The following TMEM260 variants were observed in gnomAD, a reference collection of about 807,000 sequenced individuals.
The protein encoded by TMEM260 is protein O-mannosyl-transferase TMEM260.
A neutral mutation model predicts 88.9 loss-of-function variants in TMEM260; 82 were observed. The observed-to-expected ratio is 0.92, with a 90% confidence interval of 0.77 to 1.11. The LOEUF (loss-of-function observed/expected upper bound fraction) is 1.11, where lower values mean the gene tolerates loss of function less well. Ranked by LOEUF, TMEM260 falls within the 50% of genes least tolerant of loss-of-function variation. The pLI is 0.00. For synonymous variants in TMEM260, 314 were observed against 309.3 expected, an observed-to-expected ratio of 1.02 and a Z score of -0.16; for missense variants, 902 against 853.4, an observed-to-expected ratio of 1.06 and a Z score of -0.71.
chr14:56,638,827 A>C (rs1889335224), intron 15 of TMEM260, among the ~76,000 whole-genome samples: 1 of 152,212 alleles, frequency 6.6e-6, no homozygotes, highest in Non-Finnish European at 1.5e-5. Context: ...TATAGGAATA[A>C]ATTGGATAAT....
intron 6 of TMEM260, among the ~76,000 whole-genome samples, chr14:56,611,917 C>T (rs540870093): frequency 5.3e-5 from 8 of 152,114 alleles, no homozygotes; most frequent in African/African-American, 1.9e-4. Context: ...AAACCAAATA[C>T]CACATGTTCT....
intron 5 of TMEM260, among the ~76,000 whole-genome samples, chr14:56,606,684 G>C (rs2139560605): frequency 6.6e-6 from 1 of 152,284 alleles, no homozygotes; most frequent in South Asian, 2.1e-4. Context: ...CTGAGCTCAG[G>C]AGTTCGAGAC....
chr14:56,657,112 C>G, the TMEM260 span, among the ~76,000 whole-genome samples: 1 of 152,124 alleles, frequency 6.6e-6, no homozygotes, highest in Admixed American at 6.5e-5. Flanking sequence ...TCTCAGAGAA[C>G]AGTCTCCTAC....
At chr14:56,590,518 A>G (rs891004187) in intron 3 of TMEM260, among the ~76,000 whole-genome samples, 7 of 152,226 alleles carry the variant, frequency 4.6e-5, no homozygotes, top group Admixed American at 4.6e-4. Flanking sequence ...GAAGAGCTCA[A>G]TCTCCAATTG....
chr14:56,629,174 G>C (rs1888421445), intron 12 of TMEM260, among the ~76,000 whole-genome samples: 1 of 151,854 alleles, frequency 6.6e-6, no homozygotes, highest in African/African-American at 2.4e-5. Flanking sequence ...AGGATTACAG[G>C]CGTGAGCCAC....
downstream of TMEM260, among the ~76,000 whole-genome samples, chr14:56,655,428 G>T (rs187081682): frequency 3.0e-4 from 46 of 151,746 alleles, no homozygotes; most frequent in African/African-American, 1.1e-3. Flanking sequence ...CATCTTCGGA[G>T]GCAAATAAGT....
chr14:56,656,431 T>A, the TMEM260 span, among the ~76,000 whole-genome samples: 1 of 152,010 alleles, frequency 6.6e-6, no homozygotes, highest in Non-Finnish European at 1.5e-5. Context: ...AATAAATAAA[T>A]AAATAAATAA....
chr14:56,639,621 A>ATC (rs1889411697), intron 15 of TMEM260, among the ~76,000 whole-genome samples: 1 of 152,216 alleles, frequency 6.6e-6, no homozygotes, highest in South Asian at 2.1e-4. Context: ...TACCGGGTTC[A>ATC]TCTCACTGGG....
chr14:56,633,425 A>C, intron 13 of TMEM260: 1 of 303,072 alleles, frequency 3.3e-6, no homozygotes, highest in Admixed American at 4.7e-5. Context: ...GATGCATGGC[A>C]CCTTCTACTT....
chr14:56,628,315 C>G (rs868321827), intron 12 of TMEM260, among the ~76,000 whole-genome samples: 2 of 152,134 alleles, frequency 1.3e-5, no homozygotes, highest in African/African-American at 4.8e-5. Flanking sequence ...ATTCTAGGTA[C>G]GCAACCTCTG....
intron 12 of TMEM260, among the ~76,000 whole-genome samples, chr14:56,629,350 A>G (rs966926670): frequency 6.6e-6 from 1 of 151,060 alleles, no homozygotes; most frequent in Non-Finnish European, 1.5e-5. Flanking sequence ...CTTAGGAGTA[A>G]TAATTTACCA....
chr14:56,634,342 A>G (rs374259969), intron 13 of TMEM260, among the ~76,000 whole-genome samples: 30 of 152,296 alleles, frequency 2.0e-4, no homozygotes, highest in South Asian at 6.2e-4. Flanking sequence ...GAGACTTTCA[A>G]TGTCTTCCTG....
chr14:56,621,629 T>C lies in TMEM260; in HGVS notation c.1325T>C (p.Leu442Ser). 1 of 1,613,620 alleles carries C rather than the reference T, an allele frequency of 6.2e-7. No homozygotes were observed. Among genetic ancestry groups the C allele is most frequent in the Non-Finnish European group, 8.5e-7 (1 of 1,179,780 alleles). The change falls in exon 11 of 16, where the codon TTG becomes TCG. Residue 442 changes from leucine to serine, a missense_variant. Leu to Ser is a moderately radical substitution (Grantham distance 145, BLOSUM62 -2). Transcript: ENST00000261556. ...GCAATTATCTTACTCAGAGGAGATTTGCCAGGAAATTCTCTCCGTTACATG... is the reference window on the plus strand; with the variant it reads ...GCAATTATCTTACTCAGAGGAGATTCGCCAGGAAATTCTCTCCGTTACATG... ...HDAIILLRGD[L>S]PGNSLRYMHY...
At position 56,645,452 on chromosome 14, in the gene TMEM260, A is replaced by G. The variant is rs1176193137; in HGVS notation, c.1870-1791A>G. The stretch of plus-strand genomic sequence containing the variant: ...AGTGGGAATTGAACAATGAGAACAC[A>G]TGGACACAGGAAGGGGAACATCACA... On this transcript the variant is annotated intron_variant, in intron 15 of 15. Transcript: ENST00000261556. 2.0e-4 allele frequency among the ~76,000 whole-genome samples: 29 copies of G among 148,680 alleles called. No individual in the cohort carries two copies. The East Asian group carries it at 5.1e-3, about 26-fold the overall frequency.
At position 56,580,097 on chromosome 14, in the gene TMEM260, C is replaced by T. The variant is rs373808600; in HGVS notation, c.160+23C>T. The T allele has an allele frequency of 7.2e-6, 9 of 1,248,684 alleles. No individual in the cohort carries two copies. The African/African-American group carries it at 9.3e-5, about 13-fold the overall frequency. The allele number at this position is 1,248,684 out of a possible 1,614,324, so 77.4% of individuals were successfully genotyped here. A position where few individuals can be genotyped will look rare whatever the true frequency, so the allele number is the denominator to read the frequency against. On this transcript the variant is annotated intron_variant, in intron 1 of 15. Coordinates refer to ENST00000261556, the MANE Select transcript of TMEM260 (RefSeq NM_017799.4). ...CCGGTAAAGTACTCGCAGGGTTGCC[C>T]CTTCTGTCCCTCTCCCCTGGTCCCA...
chr14:56,616,822 T>C (rs1887621851), intron 8 of TMEM260, among the ~76,000 whole-genome samples: 2 of 152,112 alleles, frequency 1.3e-5, no homozygotes, highest in South Asian at 2.1e-4. Context: ...ACATATATTG[T>C]CATACCACTG....
chr14:56,661,862 G>A, the TMEM260 span, among the ~76,000 whole-genome samples: 1 of 152,230 alleles, frequency 6.6e-6, no homozygotes, highest in Admixed American at 6.5e-5. Flanking sequence ...ATGTGGGGGT[G>A]GAGTGGGAGT....
intron 12 of TMEM260, among the ~76,000 whole-genome samples, chr14:56,627,507 A>G (rs886769507): frequency 6.6e-6 from 1 of 152,206 alleles, no homozygotes; most frequent in Non-Finnish European, 1.5e-5. Context: ...AATTTTAACT[A>G]TAATAAAATT....
intron 9 of TMEM260, 38 bp downstream of exon 9, chr14:56,617,335 T>C: frequency 7.3e-7 from 1 of 1,368,096 alleles, no homozygotes. Flanking sequence ...ACCAGAAAGT[T>C]TGTGAAGAAT....
Sources: allele counts gnomAD v4.1 joint callset (sites outside exome capture counted in the v4.1 genomes callset), GRCh38; gene constraint gnomAD v4.1.1; transcripts MANE v1.5; gene names NCBI Gene and HGNC (gene_info 2026-07-23, HGNC 2026-07-21).